Variants in IL16 observed in about 807,000 individuals in gnomAD.
IL16 encodes interleukin 16, also known as pro-interleukin-16.
In IL16, 67 loss-of-function variants were observed where a neutral mutation model predicts 110.1. The observed-to-expected ratio is 0.61, with a 90% CI of 0.50 to 0.75. IL16 has a LOEUF of 0.75. Among genes scored for constraint, IL16 ranks in the 30% least tolerant of loss-of-function variants. The pLI, the probability that IL16 is intolerant of heterozygous loss-of-function variation, is 0.00. For missense variants in IL16, 1,545 were observed against 1,655.0 expected, an observed-to-expected ratio of 0.93 and a Z score of 1.15; for synonymous variants, 689 against 662.9, an observed-to-expected ratio of 1.04 and a Z score of -0.61.
chr15:81,201,614 T>C (rs1895816541), intron 1 of IL16, among the ~76,000 whole-genome samples: 1 of 152,180 alleles, frequency 6.6e-6, no homozygotes, highest in Admixed American at 6.5e-5. Context: ...CTCTTTTTCT[T>C]TTTAGGTTGT....
Position 81,225,448 on chromosome 15 carries a change from C to A in IL16, c.49C>A (p.Arg17=). Residue 17 remains arginine (R), a synonymous_variant, in exon 2 of 19, where the codon CGG becomes AGG. Coordinates refer to ENST00000683961, the MANE Select transcript of IL16 (RefSeq NM_172217.5). ...AAAGAGCAGAAAATCTGCAAAATTT[C>A]GGTCCATCTCCAGGTCCCTGATGCT... The part of the protein sequence containing the change: ...AGKSRKSAKF[R]SISRSLMLCN... The A allele has an allele frequency of 1.2e-6, 2 of 1,614,158 alleles. No individual in the cohort carries two copies. Among genetic ancestry groups the A allele is most frequent in the Non-Finnish European group, 1.7e-6 (2 of 1,180,008 alleles).
At chr15:81,308,366 C>T (rs1001097490) in intron 18 of IL16, among the ~76,000 whole-genome samples, 2 of 152,216 alleles carry the variant, frequency 1.3e-5, no homozygotes, top group African/African-American at 4.8e-5. Flanking sequence ...TTTCCCTCCC[C>T]TGGGGACAGC....
intron 1 of IL16, among the ~76,000 whole-genome samples, chr15:81,190,254 T>C (rs947648318): frequency 2.0e-5 from 3 of 152,244 alleles, no homozygotes; most frequent in African/African-American, 7.2e-5. Flanking sequence ...CAGGTGGTGC[T>C]GTGCAAACCA....
chr15:81,278,758 T>C (rs1899028310), intron 6 of IL16, 59 bp from the exon 7 acceptor site: 2 of 1,128,820 alleles, frequency 1.8e-6, no homozygotes, highest in Admixed American at 1.7e-5. Context: ...TTAAAGGTAA[T>C]GATAATGCCC....
chr15:81,241,497 T>TA (rs1897334378), intron 2 of IL16, among the ~76,000 whole-genome samples: 1 of 152,138 alleles, frequency 6.6e-6, no homozygotes, highest in Non-Finnish European at 1.5e-5. Context: ...AGGGCTTACA[T>TA]ATCTTTCATT....
intron 16 of IL16, among the ~76,000 whole-genome samples, chr15:81,305,459 T>G (rs949303374): frequency 6.6e-6 from 1 of 151,506 alleles, no homozygotes; most frequent in African/African-American, 2.4e-5. Flanking sequence ...AGCCCAGGAG[T>G]TTGAGACCAT....
intron 1 of IL16, among the ~76,000 whole-genome samples, chr15:81,207,603 A>G (rs1465880095): frequency 6.6e-6 from 1 of 151,930 alleles, no homozygotes; most frequent in Non-Finnish European, 1.5e-5. Context: ...CCTACTTACA[A>G]GTGAGAACTT....
In IL16 at chr15:81,301,429, C is replaced by A. The variant is rs1485725789; in HGVS notation, c.3235C>A (p.Gln1079Lys). ...DGDHSSLQSG[Q>K]SVISLLSSEE... ...GGACCACAGTTCCCTTCAGTCTGGT[C>A]AGTCCGTTATCTCCCTGCTGAGCTC... Residue 1079 changes from glutamine to lysine, a missense_variant, in exon 15 of 19, where the codon CAG (glutamine) becomes AAG (lysine). Physicochemically the swap from Gln to Lys is moderately conservative, Grantham distance 53. This residue lies in a region of IL16 where 356 missense variants were observed against 399.3 expected (regional missense o/e 0.89). Coordinates refer to ENST00000683961, the MANE Select transcript of IL16 (RefSeq NM_172217.5). The A allele has an allele frequency of 6.2e-7, 1 of 1,613,980 alleles. No individual in the cohort carries two copies.
intron 1 of IL16, among the ~76,000 whole-genome samples, chr15:81,186,872 A>G (rs2063309): frequency 0.31 from 47,621 of 151,356 alleles, 11,089 homozygotes; most frequent in East Asian, 0.64. Context: ...TGCCCAGGGG[A>G]GCCTCGAACT....
chr15:81,193,246 G>A (rs1183357777), upstream of IL16, among the ~76,000 whole-genome samples: 1 of 152,112 alleles, frequency 6.6e-6, no homozygotes, highest in Non-Finnish European at 1.5e-5. Flanking sequence ...TGGAAGTTTA[G>A]GGAAGAAACA....
chr15:81,226,303 T>C (rs1896786547), intron 2 of IL16, among the ~76,000 whole-genome samples: 1 of 152,198 alleles, frequency 6.6e-6, no homozygotes, highest in African/African-American at 2.4e-5. Flanking sequence ...ATTCAGAATG[T>C]TTTCCTTTCT....
intron 1 of IL16, among the ~76,000 whole-genome samples, chr15:81,220,360 G>T (rs1207323913): frequency 6.6e-6 from 1 of 152,034 alleles, no homozygotes. Flanking sequence ...TCACCAGGCT[G>T]CCCAGGCTGC....
Position 81,265,627 on chromosome 15 carries a change from GA to G in IL16, c.422-31del, listed in dbSNP as rs1347973562. On this transcript the variant is annotated intron_variant, in intron 3 of 18. Coordinates refer to ENST00000683961, the MANE Select transcript of IL16 (RefSeq NM_172217.5). ...AACTTTGCATTTTGAGAGCACAAAT[GA>G]TTTCTTGCTGTTTTTCCTCTTCTGG... is the stretch of plus-strand genomic sequence containing the variant. The G allele has an allele frequency of 1.9e-6, 3 of 1,610,700 alleles. No homozygotes were observed. The East Asian group carries it at 6.7e-5, about 36-fold the overall frequency.
At chr15:81,229,190 A>G (rs1201866652) in intron 2 of IL16, among the ~76,000 whole-genome samples, 1 of 152,196 alleles carries the variant, frequency 6.6e-6, no homozygotes, top group Non-Finnish European at 1.5e-5. Flanking sequence ...GGAGACAGGG[A>G]CAAACTGGAT....
chr15:81,290,220 G>A (rs146207170), intron 10 of IL16, among the ~76,000 whole-genome samples: 185 of 152,314 alleles, frequency 1.2e-3, no homozygotes, highest in African/African-American at 4.2e-3. Context: ...GAGAGTTGAG[G>A]GGGCCTCCTT....
chr15:81,191,801 G>T (rs954356701), intron 1 of IL16, among the ~76,000 whole-genome samples: 3 of 152,152 alleles, frequency 2.0e-5, no homozygotes, highest in African/African-American at 7.2e-5. Context: ...GGGTGACAAG[G>T]GCATGGCTTA....
Position 81,303,011 on chromosome 15 carries a change from AGT to A in IL16, c.3319-537_3319-536del, listed in dbSNP as rs1900364241. 9.0e-6 allele frequency among the ~76,000 whole-genome samples: 1 copy of A among 110,874 alleles called. No homozygotes were observed. Among genetic ancestry groups the A allele is most frequent in the Non-Finnish European group, 2.0e-5 (1 of 49,944 alleles). The allele number at this position is 110,874 out of a possible 152,430, so 72.7% of individuals were successfully genotyped here. A position where few individuals can be genotyped will look rare whatever the true frequency, so the allele number is the denominator to read the frequency against. On this transcript the variant is annotated intron_variant, in intron 15 of 18. Coordinates refer to ENST00000683961, the MANE Select transcript of IL16 (RefSeq NM_172217.5). This position sits in a 1 kb window ranked among gnomAD's most constrained non-coding sequence, Gnocchi z 4.1. ...CCCCGTCTAGGCTAGGAAGTACCGT[AGT>A]AATGTGTGTGTGTGTGTGTGTGTGT...
At position 81,290,444 on chromosome 15, in the gene IL16, A is replaced by C; in HGVS notation, c.1333-9A>C. The C allele has an allele frequency of 6.2e-7, 1 of 1,604,690 alleles. No individual in the cohort carries two copies. Among genetic ancestry groups the C allele is most frequent in the Non-Finnish European group, 8.5e-7 (1 of 1,174,852 alleles). On this transcript the variant is annotated splice_polypyrimidine_tract_variant and intron_variant, in intron 10 of 18. Coordinates refer to ENST00000683961, the MANE Select transcript of IL16 (RefSeq NM_172217.5). ...CTGTTTGTTTGAGGAGATGACTGAT[A>C]TTTTCTAGGTCTCTGAACAGCAACT...
chr15:81,301,813 C>G (rs1178944480), intron 15 of IL16, among the ~76,000 whole-genome samples: 2 of 152,222 alleles, frequency 1.3e-5, no homozygotes, highest in Non-Finnish European at 2.9e-5. Flanking sequence ...TCTCCAAGTT[C>G]AAGTTCAGTG....
Sources: allele counts gnomAD v4.1 joint callset (sites outside exome capture counted in the v4.1 genomes callset), GRCh38; gene constraint gnomAD v4.1.1; regional missense constraint gnomAD v4.1.1; non-coding constraint Gnocchi (gnomAD v3.1); transcripts MANE v1.5; gene names NCBI Gene and HGNC (gene_info 2026-07-23, HGNC 2026-07-21).